The following NCS1 variants were observed in gnomAD, a reference collection of about 807,000 sequenced individuals.
The protein encoded by NCS1 is frequenin homolog.
In NCS1, 6 loss-of-function variants were observed where a neutral mutation model predicts 28.4. That is an observed-to-expected ratio of 0.21 (90% confidence interval 0.12 to 0.42). The LOEUF is 0.42. NCS1 is among the 10% of genes least tolerant of loss of function. The probability of loss-of-function intolerance (pLI) is 1.00; values close to 1 mark genes in which losing one functional copy is unlikely to be tolerated. For synonymous variants in NCS1, 86 were observed against 99.3 expected, an observed-to-expected ratio of 0.87 and a Z score of 0.79; for missense variants, 131 against 241.4, an observed-to-expected ratio of 0.54 and a Z score of 3.03.
intron 1 of NCS1, among the ~76,000 whole-genome samples, chr9:130,184,940 G>C (rs1254819926): frequency 2.6e-5 from 4 of 151,856 alleles, no homozygotes; most frequent in Non-Finnish European, 5.9e-5. Context: ...GTCCAGCCTG[G>C]GCGACAGAAT....
intron 2 of NCS1, among the ~76,000 whole-genome samples, chr9:130,207,222 C>A (rs553404506): frequency 2.0e-5 from 3 of 152,364 alleles, no homozygotes; most frequent in Admixed American, 1.3e-4. Flanking sequence ...TGGCCCCATA[C>A]AGCCTCTGCT....
Position 130,232,518 on chromosome 9 carries a change from C to T in NCS1, c.*18-472C>T, listed in dbSNP as rs1833512273. Among the ~76,000 whole-genome samples the T allele has an allele frequency of 6.6e-6, 1 of 152,160 alleles. No individual in the cohort carries two copies. Among genetic ancestry groups the T allele is most frequent in the South Asian group, 2.1e-4 (1 of 4,834 alleles). ...TAAATATAGGCTGGGCACGGTGGCT[C>T]ACGCCTGTAATCCCAGCACTTTGGG... On this transcript the variant is annotated intron_variant, in intron 7 of 7. Coordinates refer to ENST00000372398, the MANE Select transcript of NCS1 (RefSeq NM_014286.4). This position sits in a 1 kb window ranked among gnomAD's most constrained non-coding sequence, Gnocchi z 4.4.
In NCS1 at chr9:130,191,540, G is replaced by A. The variant is rs1460869630; in HGVS notation, c.65-9418G>A. 6.6e-6 allele frequency among the ~76,000 whole-genome samples: 1 copy of A among 152,206 alleles called. No individual in the cohort carries two copies. The highest frequency in any genetic ancestry group is 1.9e-4 in the East Asian group (1 of 5,184). On this transcript the variant is annotated intron_variant, in intron 1 of 7. Transcript: ENST00000372398. The surrounding 1 kb of genome is among the most constrained non-coding windows in gnomAD (Gnocchi z 6.4). ...GAAGGGAAGTGGGGGCCGGTAGGGG[G>A]TGGTCAGAGCCTGGTCAGCTGGATG... is the stretch of plus-strand genomic sequence containing the variant.
rs1554912572 is a variant in NCS1 at position 130,234,308 on chromosome 9, C to T, written c.*1336C>T. 2.0e-5 allele frequency: 3 copies of T among 152,292 alleles called. No homozygotes were observed. The highest frequency in any genetic ancestry group is 7.2e-5 in the African/African-American group (3 of 41,436). 9.4% of individuals were successfully genotyped at this position (152,292 alleles called of 1,614,324 possible). On this transcript the variant is annotated 3_prime_UTR_variant, in exon 8 of 8. Transcript: ENST00000372398. The surrounding 1 kb of genome is among the most constrained non-coding windows in gnomAD (Gnocchi z 6.1). ...AGGAGAGAAGAGTTCCAGGCAATCC[C>T]ATCAATATAGTCCCTACACCTGGGG...
In NCS1 at chr9:130,193,901, C is replaced by T. The variant is rs186518426; in HGVS notation, c.65-7057C>T. 15 of 152,536 alleles carry T rather than the reference C, an allele frequency of 9.8e-5. No homozygotes were observed. The East Asian group carries it at 2.1e-3, about 22-fold the overall frequency. The allele number at this position is 152,536 out of a possible 1,614,324, so 9.4% of individuals were successfully genotyped here. A position where few individuals can be genotyped will look rare whatever the true frequency, so the allele number is the denominator to read the frequency against. On this transcript the variant is annotated intron_variant, in intron 1 of 7. Transcript: ENST00000372398. ...CACTCGTGGCCAGGCCCAAAGGCCC[C>T]GCCTTCTATTCTTGTGCTGCTCAAA...
Position 130,223,075 on chromosome 9 carries a change from C to A in NCS1, c.397-7C>A. 1 of 1,613,240 alleles carries A rather than the reference C, an allele frequency of 6.2e-7. No individual in the cohort carries two copies. The highest frequency in any genetic ancestry group is 8.5e-7 in the Non-Finnish European group (1 of 1,179,332). On this transcript the variant is annotated splice_region_variant and splice_polypyrimidine_tract_variant and intron_variant, in intron 5 of 7. Transcript: ENST00000372398. ...AGGGCCCACCCCCGCCTTGTCCGTC[C>A]CTGCAGGGGAATACCGTGGAGCTCC...
intron 2 of NCS1, among the ~76,000 whole-genome samples, chr9:130,213,289 T>C (rs1316943538): frequency 2.0e-5 from 3 of 152,184 alleles, no homozygotes; most frequent in African/African-American, 7.2e-5. Context: ...TTCTTTTTTT[T>C]TCTTTTGAGA....
intron 1 of NCS1, among the ~76,000 whole-genome samples, chr9:130,195,821 G>A (rs781924843): frequency 7.2e-5 from 11 of 152,198 alleles, no homozygotes; most frequent in Non-Finnish European, 8.8e-5. Flanking sequence ...AGGCTGGAAC[G>A]GTCAGAGGAA....
intron 6 of NCS1, among the ~76,000 whole-genome samples, chr9:130,223,384 C>CT (rs1311862670): frequency 2.6e-3 from 385 of 148,466 alleles, no homozygotes; most frequent in African/African-American, 6.5e-3. Flanking sequence ...AGTCCTTAGC[C>CT]TTTTTTTTTT....
At chr9:130,174,515 A>G (rs1554904410) in intron 1 of NCS1, among the ~76,000 whole-genome samples, 1 of 152,174 alleles carries the variant, frequency 6.6e-6, no homozygotes, top group African/African-American at 2.4e-5. Flanking sequence ...CTCCAAGGCT[A>G]GTGAGAGACT....
intron 1 of NCS1, among the ~76,000 whole-genome samples, chr9:130,185,343 G>A (rs1177175993): frequency 2.0e-5 from 3 of 152,252 alleles, no homozygotes; most frequent in African/African-American, 4.8e-5. Flanking sequence ...GTACATAAAC[G>A]AGCAAGCCAA....
chr9:130,190,544 C>A (rs1310917964), intron 1 of NCS1, among the ~76,000 whole-genome samples: 1 of 152,166 alleles, frequency 6.6e-6, no homozygotes, highest in East Asian at 1.9e-4. Flanking sequence ...GCGACTTGAT[C>A]TGGGTCACTC....
intron 4 of NCS1, 102 bp from the exon 5 acceptor site, chr9:130,222,548 C>T (rs1423186598): frequency 1.1e-5 from 10 of 897,570 alleles, no homozygotes; most frequent in East Asian, 7.5e-5. Context: ...ATGGGCCATC[C>T]GGTCGCTGAC....
rs1564715271 is a variant in NCS1, at chr9:130,226,154, A to G, written c.475-235A>G. Reference sequence around the variant, plus strand: ...CCGAGTGCCTGGAGGAAGCCAGGTAATTACCCTCCATCCCCAGGTGAAGAA... The same window carrying G: ...CCGAGTGCCTGGAGGAAGCCAGGTAGTTACCCTCCATCCCCAGGTGAAGAA... On this transcript the variant is annotated intron_variant, in intron 6 of 7. Coordinates refer to ENST00000372398, the MANE Select transcript of NCS1 (RefSeq NM_014286.4). This position sits in a 1 kb window ranked among gnomAD's most constrained non-coding sequence, Gnocchi z 4.8. Among the ~76,000 whole-genome samples, 3 of 152,222 alleles carry G rather than the reference A, an allele frequency of 2.0e-5. No homozygotes were observed. Among genetic ancestry groups the G allele is most frequent in the Admixed American group, 1.3e-4 (2 of 15,288 alleles).
chr9:130,216,784 G>A (rs1254991317), intron 2 of NCS1, among the ~76,000 whole-genome samples: 3 of 151,968 alleles, frequency 2.0e-5, no homozygotes. Context: ...GGGAGAGTAA[G>A]GTGTGCAGAG....
chr9:130,176,993 C>T (rs1275183321), intron 1 of NCS1, among the ~76,000 whole-genome samples: 1 of 152,198 alleles, frequency 6.6e-6, no homozygotes, highest in African/African-American at 2.4e-5. Flanking sequence ...TTCCCAGGGA[C>T]CCTCGGTCTG....
chr9:130,185,988 T>A (rs1554905603), intron 1 of NCS1, among the ~76,000 whole-genome samples: 1 of 152,212 alleles, frequency 6.6e-6, no homozygotes, highest in Admixed American at 6.5e-5. Flanking sequence ...GCTCAGGTTC[T>A]GTGGAGCTGG....
rs111452048 is a variant in NCS1, at chr9:130,217,227, G to A, written c.90-605G>A. Among the ~76,000 whole-genome samples, 1,040 of 152,358 alleles carry A rather than the reference G, an allele frequency of 6.8e-3. 6 individuals are homozygous for A. Among genetic ancestry groups the A allele is most frequent in the Middle Eastern group, 0.027 (8 of 294 alleles). On this transcript the variant is annotated intron_variant, in intron 2 of 7. Transcript: ENST00000372398. Reference sequence around the variant, plus strand: ...CCGGCGTCAGCCACGTAGGGATCTGGAGGGTTTTGTGCTGGGCACTGGGAC... The same window carrying A: ...CCGGCGTCAGCCACGTAGGGATCTGAAGGGTTTTGTGCTGGGCACTGGGAC...
At position 130,180,226 on chromosome 9, in the gene NCS1, G is replaced by T. The variant is rs1189975360; in HGVS notation, c.64+7499G>T. ...TTTTTGTATTTTTAGTGGAGATGGG[G>T]TCTTGCCATTTTGGCCAGGTTGGTC... On this transcript the variant is annotated intron_variant, in intron 1 of 7. Coordinates refer to ENST00000372398, the MANE Select transcript of NCS1 (RefSeq NM_014286.4). This position sits in a 1 kb window ranked among gnomAD's most constrained non-coding sequence, Gnocchi z 4.5. Among the ~76,000 whole-genome samples the T allele has an allele frequency of 1.3e-5, 2 of 152,104 alleles. No homozygotes were observed. Among genetic ancestry groups the T allele is most frequent in the African/African-American group, 4.8e-5 (2 of 41,400 alleles).
Sources: allele counts gnomAD v4.1 joint callset (sites outside exome capture counted in the v4.1 genomes callset), GRCh38; gene constraint gnomAD v4.1.1; non-coding constraint Gnocchi (gnomAD v3.1); transcripts MANE v1.5; gene names NCBI Gene and HGNC (gene_info 2026-07-23, HGNC 2026-07-21).